CEACAM18: variants seen among roughly 807,000 people sequenced by gnomAD.
CEACAM18 encodes CEA cell adhesion molecule 18, also known as cell adhesion molecule CEACAM18.
In CEACAM18, 33 loss-of-function variants were observed where a neutral mutation model predicts 34.3. That is an observed-to-expected ratio of 0.96 (90% CI 0.73 to 1.29). The LOEUF (loss-of-function observed/expected upper bound fraction) is 1.29. CEACAM18 is among the 50% of genes most tolerant of loss of function. CEACAM18 has a pLI of 0.00. For synonymous variants in CEACAM18, 169 were observed against 180.9 expected (o/e 0.93, Z 0.53); for missense variants, 474 against 485.0 (o/e 0.98, Z 0.21).
chr19:51,480,553 G>GGA lies in CEACAM18; in HGVS notation c.279_280dup (p.Val94GlufsTer2), dbSNP rs768166932. ...AGCCTGGGCCCATGTACACTGGCAGGGAGAGAGTGAACAGAGAAGGCAGCC... is the reference window on the plus strand; with the variant it reads ...AGCCTGGGCCCATGTACACTGGCAGGGAGAGAGAGTGAACAGAGAAGGCAGCC... On this transcript the variant is annotated frameshift_variant, in exon 2 of 6. Coordinates refer to ENST00000396477, the Ensembl canonical transcript of CEACAM18. LOFTEE classifies it high-confidence loss of function. The GGA allele has an allele frequency of 6.8e-6, 11 of 1,614,032 alleles. No homozygotes were observed. In the East Asian group the frequency reaches 2.5e-4, roughly 36 times the overall value.
intron 5 of CEACAM18, among the ~76,000 whole-genome samples, chr19:51,489,037 G>C (rs1990046859): frequency 6.6e-6 from 1 of 151,252 alleles, no homozygotes; most frequent in Admixed American, 6.6e-5. Context: ...TAATGATCCT[G>C]CTTCCACTCG....
At chr19:51,487,663 G>A (rs1163810367) in intron 5 of CEACAM18, among the ~76,000 whole-genome samples, 1 of 152,176 alleles carries the variant, frequency 6.6e-6, no homozygotes, top group East Asian at 1.9e-4. Context: ...TTACTTGGGA[G>A]GCTGAGGCAG....
chr19:51,485,477 G>A (rs1433526394), intron 5 of CEACAM18, among the ~76,000 whole-genome samples: 1 of 152,214 alleles, frequency 6.6e-6, no homozygotes, highest in Non-Finnish European at 1.5e-5. Context: ...AAGTGAAGTT[G>A]GGGAAACAGG....
exon 2 of CEACAM18, chr19:51,480,545 A>C: frequency 6.2e-7 from 1 of 1,613,986 alleles, no homozygotes; most frequent in Non-Finnish European, 8.5e-7. Context: ...GCCCATGTAC[A>C]CTGGCAGGGA....
At chr19:51,479,061 C>T (rs1159674792) in intron 1 of CEACAM18, among the ~76,000 whole-genome samples, 1 of 152,134 alleles carries the variant, frequency 6.6e-6, no homozygotes, top group East Asian at 1.9e-4. Context: ...TCCCTGCACT[C>T]ACCTCCCACT....
intron 2 of CEACAM18, 74 bp from the exon 3 acceptor site, chr19:51,481,319 G>A: frequency 6.7e-7 from 1 of 1,484,640 alleles, no homozygotes; most frequent in South Asian, 1.3e-5. Context: ...ATGCCCAGAA[G>A]TCCCCTGGAG....
chr19:51,484,265 C>A (rs1012332171), intron 4 of CEACAM18, among the ~76,000 whole-genome samples: 3 of 151,982 alleles, frequency 2.0e-5, no homozygotes, highest in Non-Finnish European at 4.4e-5. Context: ...CATCGATTCA[C>A]ATTTTTCTCT....
intron 4 of CEACAM18, among the ~76,000 whole-genome samples, chr19:51,483,657 T>A (rs529354796): frequency 1.3e-5 from 2 of 152,228 alleles, no homozygotes; most frequent in East Asian, 3.9e-4. Context: ...CCCCATGGAG[T>A]TTGAGTGCTT....
chr19:51,484,387 A>C (rs1262637474), intron 4 of CEACAM18, among the ~76,000 whole-genome samples: 1 of 150,560 alleles, frequency 6.6e-6, no homozygotes, highest in African/African-American at 2.4e-5. Flanking sequence ...ATCTCTGCTC[A>C]CTGCAACCTG....
intron 3 of CEACAM18, 43 bp downstream of exon 3, chr19:51,481,708 C>T (rs1193533188): frequency 1.3e-6 from 2 of 1,577,736 alleles, no homozygotes; most frequent in Non-Finnish European, 1.7e-6. Context: ...GGGCTGGTCT[C>T]AGGGCTTTCT....
chr19:51,480,627 G>C (rs900532883), exon 2 of CEACAM18: 11 of 1,613,824 alleles, frequency 6.8e-6, no homozygotes, highest in Non-Finnish European at 9.3e-6. Context: ...TACACTGTTC[G>C]GGTGGTTGCA....
intron 4 of CEACAM18, among the ~76,000 whole-genome samples, chr19:51,483,891 C>A (rs1989959794): frequency 6.6e-6 from 1 of 152,148 alleles, no homozygotes; most frequent in East Asian, 1.9e-4. Context: ...TTCTTAGCAA[C>A]CATGCGTCCA....
At chr19:51,484,045 C>T (rs1341370969) in intron 4 of CEACAM18, among the ~76,000 whole-genome samples, 1 of 152,178 alleles carries the variant, frequency 6.6e-6, no homozygotes, top group Non-Finnish European at 1.5e-5. Context: ...CTGGGACAAG[C>T]AGCTCCATCG....
upstream of CEACAM18, chr19:51,478,561 G>A (rs190636927): frequency 1.3e-5 from 16 of 1,264,890 alleles, 1 homozygote; most frequent in African/African-American, 2.3e-4. Flanking sequence ...CTCTGTGCCA[G>A]GAGACACAGG....
At chr19:51,481,204 C>T (rs1304041190) in intron 2 of CEACAM18, among the ~76,000 whole-genome samples, 189 bp from the exon 3 acceptor site, 2 of 152,210 alleles carry the variant, frequency 1.3e-5, no homozygotes, top group African/African-American at 4.8e-5. Context: ...TCAGGCAAGG[C>T]CCACACCTCA....
At chr19:51,480,415 T>G (rs770722432) in exon 2 of CEACAM18, 1 of 1,613,394 alleles carries the variant, frequency 6.2e-7, no homozygotes, top group African/African-American at 1.3e-5. Context: ...GATATCGGAC[T>G]GTCGTGGCCC....
At chr19:51,483,466 G>A (rs1599943826) in intron 4 of CEACAM18, 170 bp downstream of exon 4, 2 of 759,448 alleles carry the variant, frequency 2.6e-6, no homozygotes, top group East Asian at 2.7e-5. Context: ...TGCCTCCTCT[G>A]TGAATCCTCT....
At chr19:51,481,733 G>T in intron 3 of CEACAM18, 68 bp downstream of exon 3, 1 of 1,501,724 alleles carries the variant, frequency 6.7e-7, no homozygotes, top group South Asian at 1.3e-5. Context: ...ATAGGAATAT[G>T]TTAGGACAGG....
chr19:51,485,840 C>T (rs1195138696), intron 5 of CEACAM18, among the ~76,000 whole-genome samples: 1 of 152,160 alleles, frequency 6.6e-6, no homozygotes, highest in Admixed American at 6.5e-5. Flanking sequence ...GCATAACTGG[C>T]CTTTTTCCAT....
Sources: allele counts gnomAD v4.1 joint callset (sites outside exome capture counted in the v4.1 genomes callset), GRCh38; gene constraint gnomAD v4.1.1; transcripts MANE v1.5; gene names NCBI Gene and HGNC (gene_info 2026-07-23, HGNC 2026-07-21).